The following FAAH variants were observed in gnomAD, a reference collection of about 807,000 sequenced individuals.
FAAH encodes the protein fatty-acid amide hydrolase 1.
In FAAH, 63 loss-of-function variants were observed where a neutral mutation model predicts 69.7. That is an observed-to-expected ratio of 0.90 (90% CI 0.74 to 1.12). The LOEUF (loss-of-function observed/expected upper bound fraction) is 1.12, where lower values mean the gene tolerates loss of function less well. Ranked by LOEUF, FAAH falls within the 50% of genes most tolerant of loss-of-function variation. The probability of loss-of-function intolerance (pLI) is 0.00; values close to 1 mark genes in which losing one functional copy is unlikely to be tolerated. For missense variants in FAAH, 680 were observed against 755.0 expected (o/e 0.90, Z 1.16); for synonymous variants, 305 against 324.2 (o/e 0.94, Z 0.64).
chr1:46,406,513 G>A, intron 7 of FAAH, 145 bp downstream of exon 7: 1 of 979,530 alleles, frequency 1.0e-6, no homozygotes, highest in Non-Finnish European at 1.6e-6. Flanking sequence ...TCCACAGACG[G>A]CCACCAGATG....
In FAAH at chr1:46,412,269, G is replaced by C; in HGVS notation, c.1465+18G>C. The C allele has an allele frequency of 6.5e-7, 1 of 1,539,496 alleles. No individual in the cohort carries two copies. Among genetic ancestry groups the C allele is most frequent in the East Asian group, 2.4e-5 (1 of 40,864 alleles). ...GGCCACAGGTGAGGCCCGACACCCT[G>C]CCTGTCCCTTCTGTGAATCTGGCCA... On this transcript the variant is annotated intron_variant, in intron 13 of 14. Coordinates refer to ENST00000243167, the MANE Select transcript of FAAH (RefSeq NM_001441.3).
In FAAH at chr1:46,410,534, G is replaced by C. The variant is rs200522724; in HGVS notation, c.1275+37G>C. The C allele has an allele frequency of 1.1e-5, 18 of 1,578,950 alleles. No homozygotes were observed. The highest frequency in any genetic ancestry group is 2.7e-5 in the African/African-American group (2 of 74,066). On this transcript the variant is annotated intron_variant, in intron 10 of 14. Coordinates refer to ENST00000243167, the MANE Select transcript of FAAH (RefSeq NM_001441.3). This position sits in a 1 kb window ranked among gnomAD's most constrained non-coding sequence, Gnocchi z 4.9. ...AGGAGTGGAGGGGCTAGGATGGCTG[G>C]GGGGGAACCTAGGGCCTCCTATCGC...
chr1:46,406,339 A>G lies in FAAH; in HGVS notation c.922A>G (p.Thr308Ala), dbSNP rs769887277. 1.9e-6 allele frequency: 3 copies of G among 1,613,988 alleles called. No homozygotes were observed. The highest frequency in any genetic ancestry group is 2.5e-6 in the Non-Finnish European group (3 of 1,180,012). Residue 308 changes from threonine (T) to alanine (A), a missense_variant, in exon 7 of 15, where the codon ACT becomes GCT. Transcript: ENST00000243167. ...TGAGGACATGTTCCGCTTGGACCCC[A>G]CTGTGCCTCCCTTGCCCTTCAGAGA... ...LCEDMFRLDP[T>A]VPPLPFREEV...
chr1:46,396,907 A>G (rs1161368831), intron 1 of FAAH, among the ~76,000 whole-genome samples: 1 of 152,182 alleles, frequency 6.6e-6, no homozygotes, highest in Non-Finnish European at 1.5e-5. Context: ...TGGGGCCAAG[A>G]TATCTCATAT....
chr1:46,410,220 C>A lies in FAAH; in HGVS notation c.1176-178C>A. On this transcript the variant is annotated intron_variant, in intron 9 of 14. Transcript: ENST00000243167. The surrounding 1 kb of genome is among the most constrained non-coding windows in gnomAD (Gnocchi z 4.9). ...AGCTCCCGTGGATGTGGGTTGCAGC[C>A]CAGGCATCCCAAAGGATCAGCAGAA... is the stretch of plus-strand genomic sequence containing the variant. 1 of 693,658 alleles carries A rather than the reference C, an allele frequency of 1.4e-6. No homozygotes were observed. Among genetic ancestry groups the A allele is most frequent in the African/African-American group, 1.8e-5 (1 of 56,876 alleles). 43.0% of individuals were successfully genotyped at this position (693,658 alleles called of 1,614,324 possible).
Position 46,394,384 on chromosome 1 carries a change from C to T in FAAH, c.36C>T (p.Gly12=). ...ACGAGCTGTGGGCCGCGCTGCCTGGCGCCTCCGGGGTCGCCCTGGCCTGCT... is the reference window on the plus strand; with the variant it reads ...ACGAGCTGTGGGCCGCGCTGCCTGGTGCCTCCGGGGTCGCCCTGGCCTGCT... ...VQYELWAALP[G]ASGVALACCF... The change falls in exon 1 of 15, where the codon GGC becomes GGT. Residue 12 remains glycine, a synonymous_variant. Coordinates refer to ENST00000243167, the MANE Select transcript of FAAH (RefSeq NM_001441.3). 2.6e-6 allele frequency: 4 copies of T among 1,543,942 alleles called. No individual in the cohort carries two copies. The highest frequency in any genetic ancestry group is 1.9e-5 in the Admixed American group (1 of 52,812).
chr1:46,405,158 G>C lies in FAAH; in HGVS notation c.444+10G>C. 6.2e-7 allele frequency: 1 copy of C among 1,613,624 alleles called. No individual in the cohort carries two copies. The highest frequency in any genetic ancestry group is 8.5e-7 in the Non-Finnish European group (1 of 1,180,028). On this transcript the variant is annotated intron_variant, in intron 3 of 14. Transcript: ENST00000243167. The surrounding 1 kb of genome is among the most constrained non-coding windows in gnomAD (Gnocchi z 4.1). ...GTGCTTCACCTACAAGGTATGCTCT[G>C]CCTCAGCGCCAGGCCTCCATCGTCC...
At chr1:46,395,422 T>C (rs1386259883) in intron 1 of FAAH, among the ~76,000 whole-genome samples, 3 of 152,196 alleles carry the variant, frequency 2.0e-5, no homozygotes. Context: ...GGGTGGTCTG[T>C]CAACAAGCTT....
At position 46,409,922 on chromosome 1, in the gene FAAH, T is replaced by C. The variant is rs75600495; in HGVS notation, c.1176-476T>C. The C allele has an allele frequency of 2.0e-3, 353 of 180,146 alleles. 5 individuals are homozygous for C. The Middle Eastern group carries it at 0.029, about 15-fold the overall frequency. The allele number at this position is 180,146 out of a possible 1,614,324, so 11.2% of individuals were successfully genotyped here. ...CCTAGCAGCCAAGTGTGGTCCAGGC[T>C]TCAGTGGAAGGGGTCACTCCTCACT... On this transcript the variant is annotated intron_variant, in intron 9 of 14. Coordinates refer to ENST00000243167, the MANE Select transcript of FAAH (RefSeq NM_001441.3).
chr1:46,402,260 G>GC (rs1338303143), intron 2 of FAAH, 56 bp downstream of exon 2: 43 of 1,401,836 alleles, frequency 3.1e-5, no homozygotes, highest in Non-Finnish European at 4.2e-5. Flanking sequence ...GCCAAGGCCA[G>GC]CCCCTCCCTT....
chr1:46,396,210 T>C (rs1484398496), intron 1 of FAAH, among the ~76,000 whole-genome samples: 2 of 152,194 alleles, frequency 1.3e-5, no homozygotes, highest in Non-Finnish European at 2.9e-5. Flanking sequence ...TTTGACTTTA[T>C]ACAAGCATCT....
chr1:46,400,076 G>A (rs1412612938), intron 1 of FAAH, among the ~76,000 whole-genome samples: 1 of 151,396 alleles, frequency 6.6e-6, no homozygotes, highest in African/African-American at 2.4e-5. Context: ...TCCAAAGTAA[G>A]TACTCTATCA....
rs1569816280 is a variant in FAAH at position 46,405,855 on chromosome 1, C to A, written c.785+61C>A. The A allele has an allele frequency of 1.2e-6, 2 of 1,607,784 alleles. No homozygotes were observed. The highest frequency in any genetic ancestry group is 2.2e-5 in the South Asian group (2 of 90,628). ...TGTGTGACCTTGGCCTAGCTTCCAA[C>A]CTCTCTGGGCTCCAGGCGGGGATTC... On this transcript the variant is annotated intron_variant, in intron 5 of 14. Coordinates refer to ENST00000243167, the MANE Select transcript of FAAH (RefSeq NM_001441.3). The surrounding 1 kb of genome is among the most constrained non-coding windows in gnomAD (Gnocchi z 4.1).
At chr1:46,408,630 G>A (rs554666712) in intron 8 of FAAH, 46 bp downstream of exon 8, 5 of 1,613,404 alleles carry the variant, frequency 3.1e-6, no homozygotes, top group African/African-American at 2.7e-5. Context: ...CTCCCCTCAC[G>A]GGAAGCCTTC....
chr1:46,406,471 C>T (rs1396635370), intron 7 of FAAH, 103 bp downstream of exon 7: 1 of 1,543,638 alleles, frequency 6.5e-7, no homozygotes, highest in East Asian at 2.4e-5. Flanking sequence ...AGAACCGTCC[C>T]CCAGGCCTCT....
chr1:46,401,157 A>G (rs1354881050), intron 1 of FAAH, among the ~76,000 whole-genome samples: 1 of 48,008 alleles, frequency 2.1e-5, no homozygotes. Flanking sequence ...GAGTAGGGGG[A>G]TTAGGGGGAG....
At chr1:46,406,656 C>G (rs926112622) in intron 7 of FAAH, among the ~76,000 whole-genome samples, 7 of 147,916 alleles carry the variant, frequency 4.7e-5, no homozygotes, top group African/African-American at 1.8e-4. Flanking sequence ...GATCTCGGCT[C>G]ACTGCAAGCT....
Position 46,405,799 on chromosome 1 carries a change from G to A in FAAH, c.785+5G>A, listed in dbSNP as rs748067178. 8.7e-6 allele frequency: 14 copies of A among 1,613,256 alleles called. No individual in the cohort carries two copies. Among genetic ancestry groups the A allele is most frequent in the Admixed American group, 3.3e-5 (2 of 60,030 alleles). On this transcript the variant is annotated splice_donor_5th_base_variant and intron_variant, in intron 5 of 14. Transcript: ENST00000243167. The surrounding 1 kb of genome is among the most constrained non-coding windows in gnomAD (Gnocchi z 4.1). ...GCCCACAGGGAACCGCCTCAGGTAA[G>A]GTGGGTGGAGGGCGCTTCTGGGCCC...
intron 8 of FAAH, 57 bp downstream of exon 8, chr1:46,408,641 C>G (rs572835571): frequency 5.0e-6 from 8 of 1,612,424 alleles, no homozygotes; most frequent in African/African-American, 2.7e-5. Flanking sequence ...GGAAGCCTTC[C>G]TGGTACCCAT....
Sources: allele counts gnomAD v4.1 joint callset (sites outside exome capture counted in the v4.1 genomes callset), GRCh38; gene constraint gnomAD v4.1.1; non-coding constraint Gnocchi (gnomAD v3.1); transcripts MANE v1.5; gene names NCBI Gene and HGNC (gene_info 2026-07-23, HGNC 2026-07-21).